Variants in ELOVL5 observed in about 807,000 individuals in gnomAD.
ELOVL5 encodes the protein very long chain fatty acid elongase 5.
In ELOVL5, 8 loss-of-function variants were observed where a neutral mutation model predicts 38.6. That is an observed-to-expected ratio of 0.21 (90% confidence interval 0.12 to 0.37). The LOEUF (loss-of-function observed/expected upper bound fraction) is 0.37. ELOVL5 is among the 10% of genes least tolerant of loss of function. ELOVL5 has a pLI of 1.00. For missense variants in ELOVL5, 280 were observed against 367.8 expected (o/e 0.76, Z 1.95); for synonymous variants, 127 against 133.7 (o/e 0.95, Z 0.34).
At chr6:53,343,410 G>C (rs1769410536) in intron 1 of ELOVL5, among the ~76,000 whole-genome samples, 1 of 151,918 alleles carries the variant, frequency 6.6e-6, no homozygotes, top group East Asian at 1.9e-4. Context: ...ATGGGGTCTT[G>C]CCATATTGCC....
intron 2 of ELOVL5, chr6:53,294,262 T>C: frequency 5.2e-6 from 8 of 1,548,532 alleles, no homozygotes; most frequent in Non-Finnish European, 7.0e-6. Context: ...GTGGTGGTCC[T>C]AACCCCCTCT....
intron 1 of ELOVL5, among the ~76,000 whole-genome samples, chr6:53,306,405 AAC>A (rs1489208718): frequency 6.9e-6 from 1 of 144,448 alleles, no homozygotes; most frequent in Non-Finnish European, 1.5e-5. Flanking sequence ...GAGAGGGGCA[AAC>A]ACACACACCT....
chr6:53,320,232 AC>A (rs1302134176), intron 1 of ELOVL5, among the ~76,000 whole-genome samples: 1 of 152,042 alleles, frequency 6.6e-6, no homozygotes, highest in East Asian at 1.9e-4. Flanking sequence ...CACAAGAATC[AC>A]CTGAACCCAG....
At chr6:53,342,093 T>C (rs1561896608) in intron 1 of ELOVL5, among the ~76,000 whole-genome samples, 1 of 151,470 alleles carries the variant, frequency 6.6e-6, no homozygotes, top group Admixed American at 6.5e-5. Context: ...CTCAGATCCA[T>C]CACAGAGATT....
chr6:53,326,788 G>C (rs1768563404), intron 1 of ELOVL5, among the ~76,000 whole-genome samples: 1 of 152,140 alleles, frequency 6.6e-6, no homozygotes, highest in Non-Finnish European at 1.5e-5. Context: ...CAAGTACGGT[G>C]ACTCAGCCAT....
chr6:53,332,600 G>A (rs950974723), intron 1 of ELOVL5, among the ~76,000 whole-genome samples: 1 of 152,146 alleles, frequency 6.6e-6, no homozygotes, highest in Non-Finnish European at 1.5e-5. Flanking sequence ...GAATGGAGAG[G>A]GAGTGAAATG....
intron 1 of ELOVL5, among the ~76,000 whole-genome samples, chr6:53,302,615 T>C (rs894538953): frequency 6.6e-6 from 1 of 151,576 alleles, no homozygotes; most frequent in African/African-American, 2.4e-5. Context: ...AAATCTGTTT[T>C]AAAAGGTATC....
At chr6:53,330,361 T>TATGAAGG (rs1244368233) in intron 1 of ELOVL5, among the ~76,000 whole-genome samples, 1 of 152,174 alleles carries the variant, frequency 6.6e-6, no homozygotes, top group East Asian at 1.9e-4. Flanking sequence ...GGTGAATGAC[T>TATGAAGG]ATGAAGGCCT....
intron 1 of ELOVL5, among the ~76,000 whole-genome samples, chr6:53,341,385 A>G (rs1311696431): frequency 8.5e-5 from 13 of 152,200 alleles, no homozygotes; most frequent in Admixed American, 8.5e-4. Context: ...AAAGATCACT[A>G]CTTAGGTCTG....
At chr6:53,291,320 A>C (rs138041428) in intron 3 of ELOVL5, among the ~76,000 whole-genome samples, 169 of 152,336 alleles carry the variant, frequency 1.1e-3, no homozygotes, top group Admixed American at 2.4e-3. Context: ...CAAGTTATCC[A>C]ATCAGAGAGG....
At chr6:53,298,903 G>T (rs996329320) in intron 1 of ELOVL5, among the ~76,000 whole-genome samples, 11 of 150,032 alleles carry the variant, frequency 7.3e-5, no homozygotes, top group East Asian at 2.0e-4. Context: ...GGCAAGGCGG[G>T]GGGGGGGAGT....
chr6:53,290,577 G>A (rs1322449256), intron 3 of ELOVL5: 2 of 152,152 alleles, frequency 1.3e-5, no homozygotes, highest in African/African-American at 4.8e-5. Context: ...GGAGTTGTAA[G>A]CATTTCTTGG....
intron 1 of ELOVL5, among the ~76,000 whole-genome samples, chr6:53,316,161 T>C (rs756758088): frequency 1.3e-4 from 20 of 152,190 alleles, no homozygotes; most frequent in African/African-American, 4.8e-4. Flanking sequence ...GAAGCACACA[T>C]TCATCAAACA....
chr6:53,285,776 T>A (rs1766546368), intron 3 of ELOVL5, among the ~76,000 whole-genome samples: 1 of 152,052 alleles, frequency 6.6e-6, no homozygotes, highest in Admixed American at 6.5e-5. Context: ...AGGCTAGTTA[T>A]AAAATTTTTT....
intron 1 of ELOVL5, 54 bp from the exon 2 acceptor site, chr6:53,295,761 C>G: frequency 8.9e-7 from 1 of 1,118,970 alleles, no homozygotes; most frequent in East Asian, 2.7e-5. Flanking sequence ...GTTTTTTATA[C>G]AGTATTTTTT....
At position 53,348,948 on chromosome 6, in the gene ELOVL5, G is replaced by C. The variant is rs1428830952; in HGVS notation, c.-140C>G. 1.4e-5 allele frequency: 6 copies of C among 428,016 alleles called. No homozygotes were observed. Among genetic ancestry groups the C allele is most frequent in the Non-Finnish European group, 1.4e-5 (3 of 213,620 alleles). 26.5% of individuals were successfully genotyped at this position (428,016 alleles called of 1,614,324 possible). A position where few individuals can be genotyped will look rare whatever the true frequency, so the allele number is the denominator to read the frequency against. The stretch of plus-strand genomic sequence containing the variant: ...GTGGCTAGGACCCGCGCGATGGGAA[G>C]AGGAAGGCGCCGGCTATCTACAATC... On this transcript the variant is annotated 5_prime_UTR_variant, in exon 1 of 8. Coordinates refer to ENST00000304434, the MANE Select transcript of ELOVL5 (RefSeq NM_021814.5).
chr6:53,274,811 C>G (rs185634629), intron 5 of ELOVL5, among the ~76,000 whole-genome samples: 1 of 152,194 alleles, frequency 6.6e-6, no homozygotes, highest in African/African-American at 2.4e-5. Flanking sequence ...CCAGAAAGAA[C>G]CTGGAAAGTT....
intron 1 of ELOVL5, among the ~76,000 whole-genome samples, chr6:53,307,217 C>T (rs921652768): frequency 6.6e-6 from 1 of 152,200 alleles, no homozygotes; most frequent in Non-Finnish European, 1.5e-5. Flanking sequence ...AATTAGTAAG[C>T]AGTGTGCAAA....
intron 1 of ELOVL5, among the ~76,000 whole-genome samples, chr6:53,329,858 G>A (rs1008231615): frequency 1.3e-5 from 2 of 152,076 alleles, no homozygotes; most frequent in Non-Finnish European, 2.9e-5. Flanking sequence ...AGAGAATAGT[G>A]TGTCTTCAGA....
Sources: gnomAD v4.1 joint callset for allele counts (sites outside exome capture counted in the v4.1 genomes callset) on GRCh38, gnomAD v4.1.1 for gene constraint, MANE v1.5 for transcripts, NCBI Gene and HGNC (gene_info 2026-07-23, HGNC 2026-07-21) for gene names.